The following ULK4 variants were observed in gnomAD, a reference collection of about 807,000 sequenced individuals.
The protein encoded by ULK4 is unc-51 like kinase 4, also known as inactive serine/threonine-protein kinase ULK4.
Under a neutral mutation model 160.6 loss-of-function variants are expected in ULK4, and 133 were observed. The observed-to-expected ratio is 0.83, with a 90% CI of 0.72 to 0.96. ULK4 has a LOEUF of 0.96. ULK4 is among the 40% of genes least tolerant of loss of function. ULK4 has a pLI of 0.00. For synonymous variants in ULK4, 534 were observed against 539.8 expected (o/e 0.99, Z 0.15); for missense variants, 1,580 against 1,499.5 (o/e 1.05, Z -0.89).
At chr3:41,509,351 A>G (rs1390320489) in intron 32 of ULK4, among the ~76,000 whole-genome samples, 3 of 152,184 alleles carry the variant, frequency 2.0e-5, no homozygotes, top group Non-Finnish European at 4.4e-5. Flanking sequence ...CCTAAGAATA[A>G]TTGGTGTTCC....
At chr3:41,797,493 A>C (rs1480862853) in intron 20 of ULK4, among the ~76,000 whole-genome samples, 1 of 152,160 alleles carries the variant, frequency 6.6e-6, no homozygotes, top group Non-Finnish European at 1.5e-5. Flanking sequence ...CTGCACTCTA[A>C]AAATTGTAAA....
intron 35 of ULK4, among the ~76,000 whole-genome samples, chr3:41,380,893 G>T (rs572031381): frequency 6.6e-6 from 1 of 152,070 alleles, no homozygotes; most frequent in Non-Finnish European, 1.5e-5. Context: ...AACTGAAACT[G>T]GGCTTTTCCC....
At chr3:41,289,068 C>T (rs542945827) in intron 35 of ULK4, among the ~76,000 whole-genome samples, 3 of 152,330 alleles carry the variant, frequency 2.0e-5, no homozygotes, top group Admixed American at 6.5e-5. Context: ...GCCACTCCCA[C>T]AGCTTTCTGC....
intron 17 of ULK4, among the ~76,000 whole-genome samples, chr3:41,844,189 G>T (rs1423666992): frequency 6.6e-6 from 1 of 152,174 alleles, no homozygotes; most frequent in Non-Finnish European, 1.5e-5. Context: ...CCCTTGGGTG[G>T]TTGATGGGAC....
chr3:41,558,710 A>G (rs892831801), intron 32 of ULK4, among the ~76,000 whole-genome samples: 4 of 151,334 alleles, frequency 2.6e-5, no homozygotes, highest in African/African-American at 7.3e-5. Flanking sequence ...TCTCAAAAAA[A>G]AAAGAAAAGA....
chr3:41,747,858 C>T (rs1230329515), intron 22 of ULK4, among the ~76,000 whole-genome samples: 4 of 151,840 alleles, frequency 2.6e-5, no homozygotes, highest in Admixed American at 1.3e-4. Context: ...GATCTGTAGC[C>T]GATGAAACTG....
chr3:41,412,657 T>G (rs2082432974), intron 34 of ULK4, among the ~76,000 whole-genome samples: 1 of 148,596 alleles, frequency 6.7e-6, no homozygotes, highest in Non-Finnish European at 1.5e-5. Flanking sequence ...GCCTCCCAGG[T>G]TCAAGTGATT....
chr3:41,331,229 G>A (rs1221904168), intron 35 of ULK4, among the ~76,000 whole-genome samples: 1 of 152,130 alleles, frequency 6.6e-6, no homozygotes, highest in Non-Finnish European at 1.5e-5. Context: ...GGGGCAGGGA[G>A]CACTTCTGGC....
At chr3:41,279,255 T>TAAAAAAACAAAAA (rs2079296934) in intron 35 of ULK4, among the ~76,000 whole-genome samples, 1 of 43,070 alleles carries the variant, frequency 2.3e-5, no homozygotes, top group African/African-American at 1.3e-4. Flanking sequence ...AAAAAAAGAG[T>TAAAAAAACAAAAA]AAAAAAAAAA....
intron 19 of ULK4, among the ~76,000 whole-genome samples, chr3:41,817,412 C>CA (rs1165989202): frequency 6.6e-6 from 1 of 152,018 alleles, no homozygotes; most frequent in African/African-American, 2.4e-5. Context: ...AAATGTAGTA[C>CA]ATATACATCA....
At chr3:41,874,087 C>T (rs183347567) in intron 17 of ULK4, among the ~76,000 whole-genome samples, 1 of 152,044 alleles carries the variant, frequency 6.6e-6, no homozygotes, top group Admixed American at 6.6e-5. Context: ...GCAACAAGTG[C>T]TATTTGTTCT....
At chr3:41,420,468 G>GT (rs1559588075) in intron 34 of ULK4, among the ~76,000 whole-genome samples, 10 of 90,084 alleles carry the variant, frequency 1.1e-4, no homozygotes, top group East Asian at 2.9e-4. Context: ...CAGTTTTCCA[G>GT]TTCTTTCTTT....
intron 31 of ULK4, among the ~76,000 whole-genome samples, chr3:41,577,841 A>G (rs1352598647): frequency 6.6e-6 from 1 of 152,234 alleles, no homozygotes; most frequent in African/African-American, 2.4e-5. Context: ...GTGTACTTTT[A>G]TACTTGATCT....
At chr3:41,757,227 G>T (rs1418489457) in intron 21 of ULK4, among the ~76,000 whole-genome samples, 2 of 152,052 alleles carry the variant, frequency 1.3e-5, no homozygotes, top group African/African-American at 4.8e-5. Flanking sequence ...ATAATTTAAG[G>T]TATTTCAAAA....
chr3:41,323,408 A>ACACC (rs2080283523), intron 35 of ULK4, among the ~76,000 whole-genome samples: 1 of 144,188 alleles, frequency 6.9e-6, no homozygotes, highest in African/African-American at 2.8e-5. Context: ...ACACACACAC[A>ACACC]CACACACACA....
intron 32 of ULK4, among the ~76,000 whole-genome samples, chr3:41,555,664 A>G (rs998073301): frequency 6.6e-6 from 1 of 152,248 alleles, no homozygotes; most frequent in Non-Finnish European, 1.5e-5. Context: ...CAATCCCATT[A>G]CTGGGTAGAC....
At chr3:41,404,251 G>A (rs1229570704) in intron 34 of ULK4, among the ~76,000 whole-genome samples, 2 of 101,834 alleles carry the variant, frequency 2.0e-5, no homozygotes, top group African/African-American at 6.9e-5. Flanking sequence ...TTTGCTTCAT[G>A]TATTTTGAGG....
At chr3:41,927,198 T>C (rs1339089170) in intron 5 of ULK4, among the ~76,000 whole-genome samples, 3 of 152,226 alleles carry the variant, frequency 2.0e-5, no homozygotes, top group African/African-American at 7.2e-5. Flanking sequence ...ATATTCAACA[T>C]TCTTAAAGAA....
chr3:41,744,312 G>T (rs1336318626), intron 22 of ULK4, among the ~76,000 whole-genome samples: 1 of 151,836 alleles, frequency 6.6e-6, no homozygotes, highest in Non-Finnish European at 1.5e-5. Flanking sequence ...TAAGAAACTT[G>T]CCTTATATGC....
Sources: allele counts gnomAD v4.1 joint callset (sites outside exome capture counted in the v4.1 genomes callset), GRCh38; gene constraint gnomAD v4.1.1; transcripts MANE v1.5; gene names NCBI Gene and HGNC (gene_info 2026-07-23, HGNC 2026-07-21).